Variants in HM13 observed in about 807,000 individuals in gnomAD.
HM13 encodes signal peptide peptidase.
HM13 carries 18 observed loss-of-function variants against 50.0 expected under a neutral mutation model. The observed-to-expected ratio is 0.36, with a 90% CI of 0.25 to 0.53. The LOEUF (loss-of-function observed/expected upper bound fraction) is 0.53, where lower values mean the gene tolerates loss of function less well. Ranked by LOEUF, HM13 falls within the 20% of genes least tolerant of loss-of-function variation. The pLI, the probability that HM13 is intolerant of heterozygous loss-of-function variation, is 0.90. For missense variants in HM13, 393 were observed against 552.4 expected (o/e 0.71, Z 2.89); for synonymous variants, 197 against 232.6 (o/e 0.85, Z 1.39).
intron 4 of HM13, chr20:31,548,766 C>T: frequency 2.0e-6 from 1 of 511,878 alleles, no homozygotes; most frequent in South Asian, 2.6e-5. Flanking sequence ...CACCAAAGAC[C>T]ACTTCCCGCT....
At chr20:31,565,721 A>G (rs1005143640) in intron 10 of HM13, among the ~76,000 whole-genome samples, 4 of 152,098 alleles carry the variant, frequency 2.6e-5, no homozygotes, top group Non-Finnish European at 4.4e-5. Context: ...AGACATGCCA[A>G]ATTGCTTGGG....
intron 8 of HM13, 110 bp from the exon 9 acceptor site, chr20:31,559,501 A>AATG: frequency 9.3e-7 from 1 of 1,072,580 alleles, no homozygotes; most frequent in Non-Finnish European, 1.5e-6. Flanking sequence ...CTTGGTCTCC[A>AATG]ATGATTGCTC....
chr20:31,568,700 GC>G (rs2122679765), intron 12 of HM13, among the ~76,000 whole-genome samples: 1 of 152,338 alleles, frequency 6.6e-6, no homozygotes, highest in South Asian at 2.1e-4. Context: ...TGCCAGTACA[GC>G]AGTGCCCTCA....
chr20:31,554,033 T>C (rs574085819), intron 7 of HM13, among the ~76,000 whole-genome samples: 1 of 152,304 alleles, frequency 6.6e-6, no homozygotes, highest in Admixed American at 6.5e-5. Flanking sequence ...ATTTGAGTTA[T>C]AGCTCAGTAA....
chr20:31,569,137 C>T lies in HM13; in HGVS notation c.1199C>T (p.Pro400Leu). The T allele has an allele frequency of 1.3e-6, 2 of 1,579,484 alleles. No individual in the cohort carries two copies. Among genetic ancestry groups the T allele is most frequent in the Non-Finnish European group, 1.7e-6 (2 of 1,160,808 alleles). ...NPSAIYEESN[P>L]KDPAAVTESK... is the part of the protein sequence containing the mutation. Reference sequence around the variant, plus strand: ...TTGGTCAGTTATGAGGAGTCAAATCCTAAGGATCCAGCGGCAGTGACAGAA... The same window carrying T: ...TTGGTCAGTTATGAGGAGTCAAATCTTAAGGATCCAGCGGCAGTGACAGAA... The change falls in exon 13 of 13, where the codon CCT becomes CTT. Residue 400 changes from proline to leucine, a missense_variant. Around this residue, in one of 3 missense-constraint regions of HM13, gnomAD observed 105 missense variants for 115.9 expected, o/e 0.91. Transcript: ENST00000398174.
At chr20:31,543,360 A>G (rs2122605587) in intron 3 of HM13, among the ~76,000 whole-genome samples, 1 of 152,264 alleles carries the variant, frequency 6.6e-6, no homozygotes, top group East Asian at 1.9e-4. Flanking sequence ...ATCTCAGCTC[A>G]CTGCAACCTC....
At chr20:31,522,763 G>C (rs556300968) in intron 1 of HM13, among the ~76,000 whole-genome samples, 1 of 152,058 alleles carries the variant, frequency 6.6e-6, no homozygotes, top group South Asian at 2.1e-4. Context: ...TGGTGTATAC[G>C]GTTTAAATGA....
Position 31,548,272 on chromosome 20 carries a change from G to A in HM13, c.455-757G>A. 6 of 484,490 alleles carry A rather than the reference G, an allele frequency of 1.2e-5. No homozygotes were observed. In the South Asian group the frequency reaches 1.4e-4, roughly 11 times the overall value. The allele number at this position is 484,490 out of a possible 1,614,324, so 30.0% of individuals were successfully genotyped here. On this transcript the variant is annotated intron_variant, in intron 4 of 12. Transcript: ENST00000398174. ...TCTGCTAACACTCTGGAATGTGAAA[G>A]GAGTGTCTGGACTCTGTGACTCCCG...
chr20:31,566,494 A>G (rs1006772350), intron 11 of HM13, among the ~76,000 whole-genome samples, 199 bp downstream of exon 11: 33 of 152,116 alleles, frequency 2.2e-4, no homozygotes, highest in African/African-American at 7.0e-4. Flanking sequence ...GCCAGGAGCC[A>G]GGGGAGCGCA....
chr20:31,526,861 A>G (rs1982519800), intron 1 of HM13, among the ~76,000 whole-genome samples: 1 of 152,244 alleles, frequency 6.6e-6, no homozygotes, highest in Non-Finnish European at 1.5e-5. Flanking sequence ...CTGATCCATT[A>G]GAAAACTGAA....
intron 10 of HM13, among the ~76,000 whole-genome samples, chr20:31,564,803 C>G (rs1271341029): frequency 6.7e-6 from 1 of 148,402 alleles, no homozygotes; most frequent in Non-Finnish European, 1.5e-5. Context: ...AAGATCGCAC[C>G]ATTGCACTCC....
chr20:31,551,458 AG>A (rs1984030571), intron 7 of HM13, among the ~76,000 whole-genome samples: 1 of 152,246 alleles, frequency 6.6e-6, no homozygotes, highest in South Asian at 2.1e-4. Flanking sequence ...GTTTTTCCCA[AG>A]TCTCCTGTGC....
chr20:31,525,042 C>G (rs771866871), intron 1 of HM13, among the ~76,000 whole-genome samples: 19 of 152,008 alleles, frequency 1.2e-4, no homozygotes, highest in Non-Finnish European at 2.1e-4. Context: ...TATCTTTGGG[C>G]ATGTGGAAAT....
rs1180267680 is a variant in HM13 at position 31,557,703 on chromosome 20, C to CTTTTTTTT, written c.809-1891_809-1884dup. Among the ~76,000 whole-genome samples, 98 of 80,882 alleles carry CTTTTTTTT rather than the reference C, an allele frequency of 1.2e-3. 2 individuals carry two copies. The highest frequency in any genetic ancestry group is 2.9e-3 in the African/African-American group (51 of 17,660). 53.1% of individuals were successfully genotyped at this position (80,882 alleles called of 152,430 possible). A position where few individuals can be genotyped will look rare whatever the true frequency, so the allele number is the denominator to read the frequency against. ...TGTTGACAGTTGACAGGCAGTGCTT[C>CTTTTTTTT]TTTTTTTTTTTTTTTTTTTTTTTTG... is the stretch of plus-strand genomic sequence containing the variant. On this transcript the variant is annotated intron_variant, in intron 8 of 12. Transcript: ENST00000398174.
At chr20:31,540,831 A>G (rs1983407110) in intron 3 of HM13, 1 of 151,856 alleles carries the variant, frequency 6.6e-6, no homozygotes, top group African/African-American at 2.4e-5. Flanking sequence ...TCTACTAAAA[A>G]TACAAAAAAG....
chr20:31,532,294 A>G (rs1438471255), intron 2 of HM13, among the ~76,000 whole-genome samples: 1 of 152,094 alleles, frequency 6.6e-6, no homozygotes, highest in African/African-American at 2.4e-5. Flanking sequence ...GTGTGGTGGC[A>G]CACGCCTGTA....
intron 3 of HM13, among the ~76,000 whole-genome samples, chr20:31,544,094 C>T (rs1424299889): frequency 6.6e-6 from 1 of 152,140 alleles, no homozygotes; most frequent in African/African-American, 2.4e-5. Flanking sequence ...TATTGTTAGC[C>T]CTGTATACAG....
chr20:31,545,932 A>G (rs1251544814), intron 4 of HM13, among the ~76,000 whole-genome samples: 1 of 151,992 alleles, frequency 6.6e-6, no homozygotes, highest in Non-Finnish European at 1.5e-5. Context: ...CCTGACCTCA[A>G]GTGATCTGCC....
At position 31,561,683 on chromosome 20, in the gene HM13, A is replaced by G. The variant is rs757853963; in HGVS notation, c.895A>G (p.Ile299Val). ...CTTCTACACCAGCTTTGCAGCCTAC[A>G]TCTTCGGCCTGGGCCTTACCATCTT... The part of the protein sequence containing the change: ...TYFYTSFAAY[I>V]FGLGLTIFIM... The change falls in exon 10 of 13, where the codon ATC becomes GTC. Residue 299 changes from isoleucine (I) to valine (V), a missense_variant. This residue lies in a region of HM13 where 74 missense variants were observed against 160.4 expected (regional missense o/e 0.46). Transcript: ENST00000398174. 3.1e-6 allele frequency: 5 copies of G among 1,614,044 alleles called. No individual in the cohort carries two copies. The highest frequency in any genetic ancestry group is 4.2e-6 in the Non-Finnish European group (5 of 1,179,870).
Sources: allele counts gnomAD v4.1 joint callset (sites outside exome capture counted in the v4.1 genomes callset), GRCh38; gene constraint gnomAD v4.1.1; regional missense constraint gnomAD v4.1.1; transcripts MANE v1.5; gene names NCBI Gene and HGNC (gene_info 2026-07-23, HGNC 2026-07-21).